Variants in WDPCP observed in about 807,000 individuals in gnomAD.
WDPCP encodes WD repeat-containing and planar cell polarity effector protein fritz homolog.
In WDPCP, 71 loss-of-function variants were observed where a neutral mutation model predicts 93.1. The observed-to-expected ratio is 0.76, with a 90% CI of 0.63 to 0.93. The LOEUF (loss-of-function observed/expected upper bound fraction) is 0.93, where lower values mean the gene tolerates loss of function less well. Ranked by LOEUF, WDPCP falls within the 40% of genes least tolerant of loss-of-function variation. The pLI, the probability that WDPCP is intolerant of heterozygous loss-of-function variation, is 0.00. For synonymous variants in WDPCP, 315 were observed against 315.0 expected, an observed-to-expected ratio of 1.00 and a Z score of 0.00; for missense variants, 844 against 887.4, an observed-to-expected ratio of 0.95 and a Z score of 0.62.
At chr2:63,354,128 C>A (rs886553160) in intron 12 of WDPCP, among the ~76,000 whole-genome samples, 1 of 152,272 alleles carries the variant, frequency 6.6e-6, no homozygotes. Context: ...ACACCTCTTA[C>A]AAGCTGCAGT....
intron 2 of WDPCP, among the ~76,000 whole-genome samples, chr2:63,784,401 T>A (rs1670439340): frequency 6.6e-6 from 1 of 152,162 alleles, no homozygotes; most frequent in Admixed American, 6.5e-5. Flanking sequence ...GAAACATGCC[T>A]GCACTTAATA....
chr2:63,692,305 G>A (rs1668901349), intron 2 of WDPCP, among the ~76,000 whole-genome samples: 1 of 152,078 alleles, frequency 6.6e-6, no homozygotes. Context: ...CTCTCTGTGT[G>A]TGTATGTGTG....
chr2:63,749,382 G>C (rs932232296), intron 2 of WDPCP, among the ~76,000 whole-genome samples: 1 of 151,988 alleles, frequency 6.6e-6, no homozygotes, highest in African/African-American at 2.4e-5. Context: ...TTACTTTCTT[G>C]TACAGACAGT....
intron 3 of WDPCP, chr2:63,594,328 A>G (rs751720280): frequency 3.7e-5 from 27 of 738,778 alleles, no homozygotes; most frequent in South Asian, 3.3e-4. Flanking sequence ...CACCACGTAA[A>G]TATGCAGCAC....
intron 13 of WDPCP, among the ~76,000 whole-genome samples, chr2:63,297,493 A>G (rs1477943372): frequency 6.6e-6 from 1 of 152,098 alleles, no homozygotes; most frequent in East Asian, 1.9e-4. Flanking sequence ...TTATCATGCC[A>G]TTTCCTCTAT....
At chr2:63,454,385 G>T (rs1698485986) in intron 6 of WDPCP, among the ~76,000 whole-genome samples, 1 of 151,338 alleles carries the variant, frequency 6.6e-6, no homozygotes, top group Admixed American at 6.6e-5. Context: ...GATAGCATTG[G>T]GAGAAATACC....
intron 1 of WDPCP, among the ~76,000 whole-genome samples, chr2:63,551,091 C>A (rs987843245): frequency 6.6e-6 from 1 of 152,156 alleles, no homozygotes; most frequent in East Asian, 1.9e-4. Flanking sequence ...TCAAAATGAT[C>A]TAAATCTCTT....
intron 14 of WDPCP, among the ~76,000 whole-genome samples, chr2:63,215,449 G>A (rs1677238564): frequency 6.6e-6 from 1 of 152,170 alleles, no homozygotes; most frequent in Non-Finnish European, 1.5e-5. Flanking sequence ...ACAAAAACAA[G>A]AAATGGGGAA....
At chr2:63,787,685 A>G (rs1048220992) in intron 2 of WDPCP, among the ~76,000 whole-genome samples, 1 of 152,230 alleles carries the variant, frequency 6.6e-6, no homozygotes, top group Non-Finnish European at 1.5e-5. Context: ...AATTAAAATT[A>G]TAGTAAATAT....
chr2:63,390,688 G>A (rs941141915), intron 10 of WDPCP, among the ~76,000 whole-genome samples: 6 of 152,066 alleles, frequency 3.9e-5, no homozygotes, highest in African/African-American at 1.2e-4. Flanking sequence ...CAATCAAATA[G>A]ATGCAATAAA....
intron 2 of WDPCP, among the ~76,000 whole-genome samples, chr2:63,659,903 A>C (rs1710207898): frequency 6.6e-6 from 1 of 152,188 alleles, no homozygotes; most frequent in Non-Finnish European, 1.5e-5. Context: ...AGAACACAGA[A>C]AACTTTTCGT....
intron 17 of WDPCP, among the ~76,000 whole-genome samples, chr2:63,124,545 C>T (rs1449440954): frequency 6.6e-6 from 1 of 152,064 alleles, no homozygotes; most frequent in African/African-American, 2.4e-5. Context: ...TTAAGCTTTG[C>T]TTTGCTATAA....
chr2:63,176,186 C>A (rs112461414), intron 14 of WDPCP, among the ~76,000 whole-genome samples: 5 of 152,128 alleles, frequency 3.3e-5, no homozygotes, highest in Non-Finnish European at 7.4e-5. Context: ...TACTGAGCAT[C>A]TTTTTATATG....
intron 2 of WDPCP, among the ~76,000 whole-genome samples, chr2:63,678,768 G>A (rs1025220380): frequency 6.6e-6 from 1 of 152,226 alleles, no homozygotes; most frequent in Non-Finnish European, 1.5e-5. Context: ...AGAAGCACTG[G>A]CTTTTTCTGT....
intron 1 of WDPCP, among the ~76,000 whole-genome samples, chr2:63,573,001 C>G (rs1228351112): frequency 6.6e-6 from 1 of 152,042 alleles, no homozygotes; most frequent in East Asian, 1.9e-4. Context: ...AATCCCAGCA[C>G]TTTTGGAGGC....
At chr2:63,496,583 G>A (rs980595446) in intron 1 of WDPCP, among the ~76,000 whole-genome samples, 1 of 152,140 alleles carries the variant, frequency 6.6e-6, no homozygotes, top group African/African-American at 2.4e-5. Flanking sequence ...GTACAGTATA[G>A]AGTCTATGAC....
intron 15 of WDPCP, among the ~76,000 whole-genome samples, chr2:63,172,429 G>T (rs1216869405): frequency 6.6e-6 from 1 of 152,132 alleles, no homozygotes; most frequent in Non-Finnish European, 1.5e-5. Flanking sequence ...AATCACCTGA[G>T]CCTGGGAGGT....
intron 1 of WDPCP, among the ~76,000 whole-genome samples, chr2:63,563,451 C>G (rs1706784032): frequency 6.6e-6 from 1 of 151,856 alleles, no homozygotes; most frequent in South Asian, 2.1e-4. Context: ...AGCCAATAGA[C>G]ACATAAAGCC....
intron 13 of WDPCP, among the ~76,000 whole-genome samples, chr2:63,271,247 C>T (rs1682612055): frequency 6.6e-6 from 1 of 152,248 alleles, no homozygotes; most frequent in African/African-American, 2.4e-5. Context: ...CTCCCAGCAG[C>T]AAAGCCAATG....
Sources: gnomAD v4.1 joint callset for allele counts (sites outside exome capture counted in the v4.1 genomes callset) on GRCh38, gnomAD v4.1.1 for gene constraint, MANE v1.5 for transcripts, NCBI Gene and HGNC (gene_info 2026-07-23, HGNC 2026-07-21) for gene names.